The following CCT7 variants were observed in gnomAD, a reference collection of about 807,000 sequenced individuals.
The protein encoded by CCT7 is chaperonin containing TCP1 subunit 7.
CCT7 carries 16 observed loss-of-function variants against 56.6 expected under a neutral mutation model. The observed-to-expected ratio is 0.28, with a 90% CI of 0.19 to 0.43. The LOEUF (loss-of-function observed/expected upper bound fraction) is 0.43, where lower values mean the gene tolerates loss of function less well. CCT7 is among the 20% of genes least tolerant of loss of function. The pLI, the probability that CCT7 is intolerant of heterozygous loss-of-function variation, is 1.00. For synonymous variants in CCT7, 262 were observed against 254.8 expected (o/e 1.03, Z -0.27); for missense variants, 519 against 685.6 (o/e 0.76, Z 2.71).
chr2:73,245,411 A>G (rs148405416), intron 6 of CCT7, among the ~76,000 whole-genome samples: 191 of 152,326 alleles, frequency 1.3e-3, no homozygotes, highest in African/African-American at 4.4e-3. Context: ...ACTGTTACAT[A>G]TCTGCGCTGT....
In CCT7 at chr2:73,243,118, G is replaced by C. The variant is rs1169914073; in HGVS notation, c.382G>C (p.Ala128Pro). Residue 128 changes from alanine to proline, a missense_variant, in exon 4 of 12, where the codon GCC (alanine) becomes CCC (proline). Coordinates refer to ENST00000258091, the MANE Select transcript of CCT7 (RefSeq NM_006429.4). ...GATCATCATTCGAGCTTTCCGCACA[G>C]CCACCCAGCTGGTATGGCAGTACTG... is the stretch of plus-strand genomic sequence containing the variant. ...PQIIIRAFRT[A>P]TQLAVNKIKE... 1 of 1,614,000 alleles carries C rather than the reference G, an allele frequency of 6.2e-7. No homozygotes were observed. The highest frequency in any genetic ancestry group is 1.1e-5 in the South Asian group (1 of 91,082).
chr2:73,252,606 C>A, intron 11 of CCT7, 34 bp from the exon 12 acceptor site: 1 of 1,525,596 alleles, frequency 6.6e-7, no homozygotes, highest in Non-Finnish European at 9.1e-7. Flanking sequence ...GAAAGTAGTT[C>A]CATATTACCT....
intron 1 of CCT7, among the ~76,000 whole-genome samples, chr2:73,234,710 G>T (rs1686789023): frequency 6.6e-6 from 1 of 152,242 alleles, no homozygotes; most frequent in South Asian, 2.1e-4. Context: ...TGCGTGAAAC[G>T]AGTGCAGGTC....
At position 73,240,446 on chromosome 2, in the gene CCT7, C is replaced by T; in HGVS notation, c.170C>T (p.Thr57Ile). The T allele has an allele frequency of 6.2e-7, 1 of 1,610,242 alleles. No individual in the cohort carries two copies. Among genetic ancestry groups the T allele is most frequent in the Non-Finnish European group, 8.5e-7 (1 of 1,177,906 alleles). The part of the protein sequence containing the change: ...KLIVDGRGKA[T>I]ISNDGATILK... Reference sequence around the variant, plus strand: ...GTTTGTTTCTTTTAAGGCAAAGCAACAATTTCTAATGATGGGGCCACAATT... The same window carrying T: ...GTTTGTTTCTTTTAAGGCAAAGCAATAATTTCTAATGATGGGGCCACAATT... Residue 57 changes from threonine (T) to isoleucine (I), a missense_variant, in exon 3 of 12, where the codon ACA (threonine) becomes ATA (isoleucine). By Grantham distance (89) the Thr-to-Ile change is moderately conservative (BLOSUM62 -1). Transcript: ENST00000258091.
chr2:73,249,841 C>A lies in CCT7; in HGVS notation c.995C>A (p.Thr332Asn). The A allele has an allele frequency of 6.2e-7, 1 of 1,613,452 alleles. No individual in the cohort carries two copies. The highest frequency in any genetic ancestry group is 8.5e-7 in the Non-Finnish European group (1 of 1,179,360). The change falls in exon 9 of 12, where the codon ACC becomes AAC. Residue 332 changes from threonine (T) to asparagine (N), a missense_variant. Transcript: ENST00000258091. ...TMMACGGSIQ[T>N]SVNALSADVL... ...TAGGCCTGTGGAGGCTCAATCCAGACCAGTGTGAATGCTCTGTCAGCAGAT... is the reference window on the plus strand; with the variant it reads ...TAGGCCTGTGGAGGCTCAATCCAGAACAGTGTGAATGCTCTGTCAGCAGAT...
chr2:73,247,986 CTGGGTCTTCATGGCTATTG>C, intron 7 of CCT7, 60 bp downstream of exon 7: 1 of 1,503,422 alleles, frequency 6.7e-7, no homozygotes, highest in South Asian at 1.1e-5. Flanking sequence ...AGCCAGAGCC[CTGGGTCTTCATGGCTATTG>C]TGGGCCCCTT....
At chr2:73,240,002 G>T in intron 2 of CCT7, 1 of 512,738 alleles carries the variant, frequency 2.0e-6, no homozygotes, top group East Asian at 3.2e-5. Flanking sequence ...TCAGGAGCCT[G>T]TTGCCTCATA....
intron 7 of CCT7, among the ~76,000 whole-genome samples, chr2:73,248,137 C>T (rs1687423471): frequency 6.6e-6 from 1 of 152,152 alleles, no homozygotes; most frequent in African/African-American, 2.4e-5. Flanking sequence ...TGTTGAAATA[C>T]GCTGTGGTCC....
intron 1 of CCT7, chr2:73,237,706 A>G (rs1558561509): frequency 1.3e-5 from 2 of 152,316 alleles, no homozygotes; most frequent in South Asian, 4.1e-4. Context: ...TTACATGACA[A>G]GCATTCTTTT....
At chr2:73,239,420 C>T (rs1574353608) in intron 1 of CCT7, 1 of 508,458 alleles carries the variant, frequency 2.0e-6, no homozygotes, top group Non-Finnish European at 3.5e-6. Context: ...CTTCTCAAAC[C>T]ATTTTCCTGT....
At chr2:73,242,216 G>A (rs1440093265) in intron 3 of CCT7, among the ~76,000 whole-genome samples, 3 of 151,928 alleles carry the variant, frequency 2.0e-5, no homozygotes, top group African/African-American at 7.2e-5. Flanking sequence ...GAGGCCAGGA[G>A]TTCAAAACCA....
intron 6 of CCT7, among the ~76,000 whole-genome samples, chr2:73,246,550 A>G (rs990228019): frequency 3.3e-5 from 5 of 152,240 alleles, no homozygotes; most frequent in African/African-American, 4.8e-5. Context: ...GAAGTTTCCT[A>G]CTTTATTCTT....
chr2:73,247,578 TA>T (rs75081096), intron 6 of CCT7, among the ~76,000 whole-genome samples, 183 bp from the exon 7 acceptor site: 8,989 of 144,880 alleles, frequency 0.062, 547 homozygotes, highest in African/African-American at 0.16. Context: ...TTGTGTTATT[TA>T]AAAAAAAAAA....
chr2:73,240,825 C>T (rs1687073846), intron 3 of CCT7, among the ~76,000 whole-genome samples: 1 of 151,742 alleles, frequency 6.6e-6, no homozygotes, highest in African/African-American at 2.4e-5. Flanking sequence ...GTGTGAGTTG[C>T]TAGGTTAAAT....
intron 7 of CCT7, among the ~76,000 whole-genome samples, chr2:73,248,206 T>C (rs1157885238): frequency 6.6e-6 from 1 of 152,174 alleles, no homozygotes; most frequent in Non-Finnish European, 1.5e-5. Context: ...TTTTGGTTCC[T>C]CTTGTTGGTG....
chr2:73,252,529 C>G, intron 11 of CCT7, 111 bp from the exon 12 acceptor site: 1 of 815,400 alleles, frequency 1.2e-6, no homozygotes, highest in Non-Finnish European at 2.0e-6. Context: ...CGAAATGCCA[C>G]CAAGTTCAGA....
At chr2:73,250,757 C>T (rs1435114570) in intron 10 of CCT7, among the ~76,000 whole-genome samples, 3 of 151,738 alleles carry the variant, frequency 2.0e-5, no homozygotes, top group Non-Finnish European at 2.9e-5. Context: ...GGCAACATAG[C>T]GAGATCCTGT....
intron 1 of CCT7, among the ~76,000 whole-genome samples, chr2:73,236,958 T>TC (rs1375485399): frequency 2.0e-5 from 3 of 152,234 alleles, no homozygotes; most frequent in African/African-American, 7.2e-5. Context: ...AGTGCTTTTC[T>TC]CCCCAAAAGT....
chr2:73,248,065 T>C, intron 7 of CCT7, 139 bp downstream of exon 7: 4 of 737,352 alleles, frequency 5.4e-6, no homozygotes, highest in South Asian at 1.9e-5. Context: ...GGCCCCCTTC[T>C]TTCCATACTC....
Sources: gnomAD v4.1 joint callset for allele counts (sites outside exome capture counted in the v4.1 genomes callset) on GRCh38, gnomAD v4.1.1 for gene constraint, MANE v1.5 for transcripts, NCBI Gene and HGNC (gene_info 2026-07-23, HGNC 2026-07-21) for gene names.